C8orf58: variants seen among roughly 807,000 people sequenced by gnomAD.
The protein encoded by C8orf58 is chromosome 8 open reading frame 58.
A neutral mutation model predicts 36.8 loss-of-function variants in C8orf58; 31 were observed. That is an observed-to-expected ratio of 0.84 (90% confidence interval 0.63 to 1.14). The LOEUF is 1.14. C8orf58 is among the 50% of genes most tolerant of loss of function. The probability of loss-of-function intolerance (pLI) is 0.00; values close to 1 mark genes in which losing one functional copy is unlikely to be tolerated. For missense variants in C8orf58, 538 were observed against 480.8 expected, an observed-to-expected ratio of 1.12 and a Z score of -1.11; for synonymous variants, 230 against 200.2, an observed-to-expected ratio of 1.15 and a Z score of -1.26.
chr8:22,603,172 A>C, intron 6 of C8orf58, 23 bp from the exon 7 acceptor site: 2 of 1,537,070 alleles, frequency 1.3e-6, no homozygotes, highest in East Asian at 2.2e-5. Flanking sequence ...CTTCTAGCCT[A>C]ATGTCTTCTT....
intron 1 of C8orf58, chr8:22,600,443 A>C (rs1227784665): frequency 1.4e-4 from 23 of 169,570 alleles, no homozygotes; most frequent in Non-Finnish European, 2.9e-4. Context: ...AGGGGCCCCC[A>C]GAGAGCAGGT....
chr8:22,599,928 G>A, intron 1 of C8orf58, 168 bp downstream of exon 1: 1 of 374,220 alleles, frequency 2.7e-6, no homozygotes, highest in Non-Finnish European at 4.7e-6. Context: ...GCGGTCATCA[G>A]GGGACGCCAT....
In C8orf58 at chr8:22,603,499, C is replaced by T. The variant is rs1471625119; in HGVS notation, c.*193C>T. 4.7e-6 allele frequency: 3 copies of T among 634,530 alleles called. No homozygotes were observed. The highest frequency in any genetic ancestry group is 2.4e-5 in the Admixed American group (1 of 42,176). 39.3% of individuals were successfully genotyped at this position (634,530 alleles called of 1,614,324 possible). ...GAACCTTGGTTTCTTGAGAGGCCCCCAAGATGCCGCAGCTCCAGGGCTCTT... is the reference window on the plus strand; with the variant it reads ...GAACCTTGGTTTCTTGAGAGGCCCCTAAGATGCCGCAGCTCCAGGGCTCTT... On this transcript the variant is annotated 3_prime_UTR_variant, in exon 7 of 7. Transcript: ENST00000289989.
At position 22,603,575 on chromosome 8, in the gene C8orf58, C is replaced by T. The variant is rs981982445; in HGVS notation, c.*269C>T. ...TCCACAATGTGAACTCACTCATTGT[C>T]AGGTGTCCGTGGAGTGTTTTTGGCA... On this transcript the variant is annotated 3_prime_UTR_variant, in exon 7 of 7. Coordinates refer to ENST00000289989, the MANE Select transcript of C8orf58 (RefSeq NM_001013842.3). 66 of 519,632 alleles carry T rather than the reference C, an allele frequency of 1.3e-4. No individual in the cohort carries two copies. The East Asian group carries it at 2.3e-3, about 18-fold the overall frequency. The allele number at this position is 519,632 out of a possible 1,614,324, so 32.2% of individuals were successfully genotyped here. A position where few individuals can be genotyped will look rare whatever the true frequency, so the allele number is the denominator to read the frequency against.
chr8:22,601,325 A>G lies in C8orf58; in HGVS notation c.484A>G (p.Thr162Ala), dbSNP rs1251490558. ...AGQQESMEAD[T>A]DLEAGLEEEA... Reference sequence around the variant, plus strand: ...GCAACAGGAGTCCATGGAGGCAGACACAGACCTAGAGGCAGGCCTGGAAGA... The same window carrying G: ...GCAACAGGAGTCCATGGAGGCAGACGCAGACCTAGAGGCAGGCCTGGAAGA... Residue 162 changes from threonine (T) to alanine (A), a missense_variant, in exon 2 of 7, where the codon ACA (threonine) becomes GCA (alanine). By Grantham distance (58) the Thr-to-Ala change is moderately conservative. Coordinates refer to ENST00000289989, the MANE Select transcript of C8orf58 (RefSeq NM_001013842.3). 2.5e-6 allele frequency: 4 copies of G among 1,596,160 alleles called. No individual in the cohort carries two copies. The highest frequency in any genetic ancestry group is 3.4e-6 in the Non-Finnish European group (4 of 1,167,594).
intron 1 of C8orf58, chr8:22,600,055 C>T: frequency 1.4e-5 from 4 of 284,650 alleles, no homozygotes; most frequent in Non-Finnish European, 2.0e-5. Context: ...AATCCGCCCG[C>T]GCCCCAGCCC....
intron 1 of C8orf58, chr8:22,600,150 C>A (rs1273639414): frequency 5.6e-6 from 1 of 179,072 alleles, no homozygotes; most frequent in Non-Finnish European, 1.2e-5. Flanking sequence ...GCATTCGGCT[C>A]CCGCGTGCCC....
intron 2 of C8orf58, among the ~76,000 whole-genome samples, 154 bp downstream of exon 2, chr8:22,601,511 G>A (rs755011182): frequency 5.3e-5 from 8 of 152,192 alleles, no homozygotes; most frequent in Non-Finnish European, 7.4e-5. Context: ...ATTTGTGCAC[G>A]GCCACCTCTG....
In C8orf58 at chr8:22,602,805, A is replaced by G. The variant is rs540965662; in HGVS notation, c.986+162A>G. The G allele has an allele frequency of 2.9e-4, 172 of 594,376 alleles. 1 individual carries two copies. The South Asian group carries it at 3.6e-3, about 13-fold the overall frequency. 36.8% of individuals were successfully genotyped at this position (594,376 alleles called of 1,614,324 possible). A position where few individuals can be genotyped will look rare whatever the true frequency, so the allele number is the denominator to read the frequency against. On this transcript the variant is annotated intron_variant, in intron 6 of 6. Transcript: ENST00000289989. ...AGTAGTTAAAACACCCCATTTACAGATAAGGAGGCAGGGTTCTGGGTGGGG... is the reference window on the plus strand; with the variant it reads ...AGTAGTTAAAACACCCCATTTACAGGTAAGGAGGCAGGGTTCTGGGTGGGG...
At chr8:22,603,107 C>A in intron 6 of C8orf58, 88 bp from the exon 7 acceptor site, 1 of 999,404 alleles carries the variant, frequency 1.0e-6, no homozygotes, top group Non-Finnish European at 1.6e-6. Context: ...AGCTACCCAC[C>A]AGCAGATAAA....
intron 6 of C8orf58, 66 bp from the exon 7 acceptor site, chr8:22,603,129 C>A: frequency 8.0e-7 from 1 of 1,254,964 alleles, no homozygotes; most frequent in Non-Finnish European, 1.2e-6. Flanking sequence ...CACGTTCTCT[C>A]AACTCTAGGG....
intron 6 of C8orf58, 116 bp from the exon 7 acceptor site, chr8:22,603,079 C>G: frequency 2.7e-6 from 2 of 746,286 alleles, no homozygotes; most frequent in South Asian, 3.2e-5. Flanking sequence ...TTAACAGCCC[C>G]GGGCTGCGCC....
In C8orf58 at chr8:22,601,214, C is replaced by A. The variant is rs1427530444; in HGVS notation, c.373C>A (p.Pro125Thr). 1.2e-6 allele frequency: 2 copies of A among 1,609,568 alleles called. No homozygotes were observed. The highest frequency in any genetic ancestry group is 2.2e-5 in the East Asian group (1 of 44,750). ...GEVLERSRRL[P>T]TAPTSLSGQH... is the part of the protein sequence containing the mutation. ...GGTGTTGGAGCGGTCCCGCCGGCTC[C>A]CAACAGCTCCCACCAGCTTGTCAGG... is the stretch of plus-strand genomic sequence containing the variant. The change falls in exon 2 of 7, where the codon CCA becomes ACA. Residue 125 changes from proline to threonine, a missense_variant. Pro to Thr is a conservative substitution (Grantham distance 38, BLOSUM62 -1). Transcript: ENST00000289989.
chr8:22,602,686 C>G, intron 6 of C8orf58, 43 bp downstream of exon 6: 1 of 1,273,490 alleles, frequency 7.9e-7, no homozygotes, highest in Non-Finnish European at 1.1e-6. Flanking sequence ...GGAGAGGAGA[C>G]TGATAAGCCA....
In C8orf58 at chr8:22,602,035, C is replaced by G; in HGVS notation, c.721C>G (p.Arg241Gly). The G allele has an allele frequency of 6.3e-7, 1 of 1,580,686 alleles. No individual in the cohort carries two copies. Among genetic ancestry groups the G allele is most frequent in the Non-Finnish European group, 8.6e-7 (1 of 1,159,680 alleles). ...GTCCCCGTTACACACCCCAGGCAAT[C>G]GGGGGCAGGGGCCATGGGAGCTGCT... ...LPSPLHTPGNRGQGPWELLSQ... is the reference protein window; with the variant it reads ...LPSPLHTPGNGGQGPWELLSQ... The change falls in exon 4 of 7, where the codon CGG becomes GGG. Residue 241 changes from arginine to glycine, a missense_variant. Transcript: ENST00000289989.
rs1182720636 is a variant in C8orf58 at position 22,603,504 on chromosome 8, T to A, written c.*198T>A. On this transcript the variant is annotated 3_prime_UTR_variant, in exon 7 of 7. Coordinates refer to ENST00000289989, the MANE Select transcript of C8orf58 (RefSeq NM_001013842.3). ...TTGGTTTCTTGAGAGGCCCCCAAGATGCCGCAGCTCCAGGGCTCTTCCTCC... is the reference window on the plus strand; with the variant it reads ...TTGGTTTCTTGAGAGGCCCCCAAGAAGCCGCAGCTCCAGGGCTCTTCCTCC... 1.6e-6 allele frequency: 1 copy of A among 630,456 alleles called. No homozygotes were observed. Among genetic ancestry groups the A allele is most frequent in the Non-Finnish European group, 2.9e-6 (1 of 346,524 alleles). 39.1% of individuals were successfully genotyped at this position (630,456 alleles called of 1,614,324 possible).
chr8:22,600,728 A>G (rs1800820830), intron 1 of C8orf58, among the ~76,000 whole-genome samples, 154 bp from the exon 2 acceptor site: 1 of 152,246 alleles, frequency 6.6e-6, no homozygotes, highest in Non-Finnish European at 1.5e-5. Context: ...TCTCCCAGAC[A>G]GCTGGGGCCA....
chr8:22,602,157 G>T, intron 4 of C8orf58, 43 bp from the exon 5 acceptor site: 1 of 1,560,760 alleles, frequency 6.4e-7, no homozygotes, highest in Non-Finnish European at 8.7e-7. Flanking sequence ...GAAGCTTGAT[G>T]GGGTGTCTTC....
Position 22,602,213 on chromosome 8 carries a change from T to TTTTG in C8orf58, c.781_782insTTGT (p.Ser261PhefsTer59). On this transcript the variant is annotated frameshift_variant, in exon 5 of 7. Transcript: ENST00000289989. LOFTEE classifies it high-confidence loss of function. ...GTCTTTCTGAAGGAGCAAAGGCTGCTTCACCCCCAAAGGTGGAGGTGCCCA... is the reference window on the plus strand; with the variant it reads ...GTCTTTCTGAAGGAGCAAAGGCTGCTTTTGTCACCCCCAAAGGTGGAGGTGCCCA... 6.2e-7 allele frequency: 1 copy of TTTTG among 1,602,724 alleles called. No individual in the cohort carries two copies. The highest frequency in any genetic ancestry group is 8.5e-7 in the Non-Finnish European group (1 of 1,175,638).
Sources: gnomAD v4.1 joint callset for allele counts (sites outside exome capture counted in the v4.1 genomes callset) on GRCh38, gnomAD v4.1.1 for gene constraint, MANE v1.5 for transcripts, NCBI Gene and HGNC (gene_info 2026-07-23, HGNC 2026-07-21) for gene names.